PTPRU: variants seen among roughly 807,000 people sequenced by gnomAD.
PTPRU encodes the protein protein tyrosine phosphatase receptor type U.
A neutral mutation model predicts 166.3 loss-of-function variants in PTPRU; 69 were observed. The ratio of observed to expected loss-of-function variants is 0.41; its 90% CI spans 0.34 to 0.51. The LOEUF is 0.51. Among genes scored for constraint, PTPRU ranks in the 20% least tolerant of loss-of-function variants. PTPRU has a pLI of 0.09. For missense variants in PTPRU, 1,657 were observed against 2,013.7 expected (o/e 0.82, Z 3.39); for synonymous variants, 793 against 814.0 (o/e 0.97, Z 0.44).
rs200993722 is a variant in PTPRU, at chr1:29,282,662, T to G, written c.1869-14T>G. ...GCCGCCTGTGATCCCCTGTACGCTC[T>G]CCTCCCTGTCCAGTGTGTACCAGGT... is the stretch of plus-strand genomic sequence containing the variant. On this transcript the variant is annotated splice_polypyrimidine_tract_variant and intron_variant, in intron 11 of 29. Coordinates refer to ENST00000373779, the MANE Select transcript of PTPRU (RefSeq NM_133178.4). The G allele has an allele frequency of 1.2e-6, 2 of 1,609,624 alleles. No homozygotes were observed. Among genetic ancestry groups the G allele is most frequent in the South Asian group, 1.1e-5 (1 of 90,820 alleles).
intron 15 of PTPRU, among the ~76,000 whole-genome samples, chr1:29,295,748 G>A (rs1161872586): frequency 2.0e-5 from 3 of 151,880 alleles, no homozygotes; most frequent in East Asian, 1.9e-4. Flanking sequence ...GTGCAGTGGC[G>A]CAATCTCAGC....
In PTPRU at chr1:29,246,902, T is replaced by C. The variant is rs1049194503; in HGVS notation, c.74-8373T>C. ...AAGTGCTGGGATTACGGGCATGAGC[T>C]ACTGCGCCCAGCTCCACACAGCATC... On this transcript the variant is annotated intron_variant, in intron 1 of 29. Transcript: ENST00000373779. 1.3e-5 allele frequency among the ~76,000 whole-genome samples: 2 copies of C among 152,174 alleles called. 1 individual carries two copies. Among genetic ancestry groups the C allele is most frequent in the East Asian group, 3.8e-4 (2 of 5,196 alleles).
chr1:29,279,199 T>C lies in PTPRU; in HGVS notation c.1563+78T>C. On this transcript the variant is annotated intron_variant, in intron 9 of 29. Coordinates refer to ENST00000373779, the MANE Select transcript of PTPRU (RefSeq NM_133178.4). The surrounding 1 kb of genome is among the most constrained non-coding windows in gnomAD (Gnocchi z 5.2). ...GCCCTCTTTCTCTCTGCTGCTACAG[T>C]AGGAGGTGCATGGGAGGACAGATGT... 6 of 1,252,782 alleles carry C rather than the reference T, an allele frequency of 4.8e-6. No homozygotes were observed. Among genetic ancestry groups the C allele is most frequent in the Non-Finnish European group, 6.8e-6 (6 of 878,684 alleles). 77.6% of individuals were successfully genotyped at this position (1,252,782 alleles called of 1,614,324 possible).
chr1:29,309,305 T>G (rs1252145454), intron 18 of PTPRU, among the ~76,000 whole-genome samples: 1 of 152,082 alleles, frequency 6.6e-6, no homozygotes, highest in Non-Finnish European at 1.5e-5. Flanking sequence ...TGAATCTGCC[T>G]TTTAACAAGA....
At position 29,304,839 on chromosome 1, in the gene PTPRU, A is replaced by G. The variant is rs767095595; in HGVS notation, c.2733A>G (p.Pro911=). Residue 911 remains proline (P), a synonymous_variant, in exon 17 of 30, where the codon CCA becomes CCG. Coordinates refer to ENST00000373779, the MANE Select transcript of PTPRU (RefSeq NM_133178.4). ...AGGTCAAGGGCAGCCGGCAGGAGCC[A>G]ATGCCTGCCTGTGAGTCCTGGGGAA... The part of the protein sequence containing the change: ...KDKVKGSRQE[P]MPAYDRHRVK... The G allele has an allele frequency of 1.4e-5, 23 of 1,611,036 alleles. No individual in the cohort carries two copies. Among genetic ancestry groups the G allele is most frequent in the Admixed American group, 6.7e-5 (4 of 59,962 alleles).
intron 7 of PTPRU, among the ~76,000 whole-genome samples, chr1:29,268,531 C>T (rs536409930): frequency 3.9e-5 from 6 of 152,246 alleles, no homozygotes; most frequent in Non-Finnish European, 7.4e-5. Flanking sequence ...TGAGAATCCC[C>T]GATTCAGTCC....
intron 15 of PTPRU, among the ~76,000 whole-genome samples, chr1:29,298,786 C>T (rs1343380667): frequency 6.6e-6 from 1 of 152,140 alleles, no homozygotes; most frequent in Non-Finnish European, 1.5e-5. Context: ...GGTTTGAATC[C>T]TAGTGCTTCC....
At chr1:29,298,792 CT>C (rs1432694772) in intron 15 of PTPRU, among the ~76,000 whole-genome samples, 1 of 152,170 alleles carries the variant, frequency 6.6e-6, no homozygotes, top group African/African-American at 2.4e-5. Flanking sequence ...AATCCTAGTG[CT>C]TCCATTTAAT....
intron 26 of PTPRU, among the ~76,000 whole-genome samples, chr1:29,322,669 T>G (rs1688210657): frequency 6.6e-6 from 1 of 151,990 alleles, no homozygotes; most frequent in African/African-American, 2.4e-5. Flanking sequence ...TGGGAGTCAT[T>G]TTACCGACGG....
Position 29,311,426 on chromosome 1 carries a change from G to A in PTPRU, c.2858-30G>A, listed in dbSNP as rs956151639. 4 of 1,610,622 alleles carry A rather than the reference G, an allele frequency of 2.5e-6. No individual in the cohort carries two copies. The highest frequency in any genetic ancestry group is 3.4e-6 in the Non-Finnish European group (4 of 1,177,714). ...GACCTGGGGTGGAGACCTTGTCTCA[G>A]GGACAGGCACCCTCTGCCTGCATCC... On this transcript the variant is annotated intron_variant, in intron 19 of 29. Coordinates refer to ENST00000373779, the MANE Select transcript of PTPRU (RefSeq NM_133178.4). The surrounding 1 kb of genome is among the most constrained non-coding windows in gnomAD (Gnocchi z 4.1).
chr1:29,324,477 G>T (rs1475134801), intron 28 of PTPRU, among the ~76,000 whole-genome samples: 2 of 152,192 alleles, frequency 1.3e-5, no homozygotes, highest in African/African-American at 4.8e-5. Context: ...GGAGGGGATG[G>T]AGCTCTGTGG....
intron 1 of PTPRU, among the ~76,000 whole-genome samples, chr1:29,255,047 G>A (rs1470151156): frequency 6.6e-6 from 1 of 152,162 alleles, no homozygotes; most frequent in Non-Finnish European, 1.5e-5. Context: ...AAGTACTGGG[G>A]GAGTTGGCAG....
intron 5 of PTPRU, 36 bp downstream of exon 5, chr1:29,259,600 T>TGGGTTTTTTGGGGGGGGGGGGGGGGGG: frequency 3.9e-6 from 1 of 253,686 alleles, no homozygotes; most frequent in Non-Finnish European, 7.7e-6. Flanking sequence ...GGGGGCGGGG[T>TGGGTTTTTTGGGGGGGGGGGGGGGGGG]GGGAGGGGGT....
At chr1:29,277,894 C>T (rs1382444731) in intron 8 of PTPRU, among the ~76,000 whole-genome samples, 1 of 133,640 alleles carries the variant, frequency 7.5e-6, no homozygotes, top group Non-Finnish European at 1.5e-5. Flanking sequence ...TCTCAACTCA[C>T]TGCAACCTCT....
rs773327144 is a variant in PTPRU at position 29,325,342 on chromosome 1, C to T, written c.4248+16C>T. 14 of 1,613,402 alleles carry T rather than the reference C, an allele frequency of 8.7e-6. No homozygotes were observed. The highest frequency in any genetic ancestry group is 3.3e-5 in the Admixed American group (2 of 60,028). On this transcript the variant is annotated intron_variant, in intron 29 of 29. Transcript: ENST00000373779. The stretch of plus-strand genomic sequence containing the variant: ...GGAGACCATGGTGAGGGGCTGTGTC[C>T]CGTGCCCAGCCACTTCCACCTTCCT...
In PTPRU at chr1:29,275,877, A is replaced by G. The variant is rs1685784289; in HGVS notation, c.1453+121A>G. ...TTTTGCTTAGGATTAAACCAACTGTATAACACCAAAGTAGTGATAGCTCCT... is the reference window on the plus strand; with the variant it reads ...TTTTGCTTAGGATTAAACCAACTGTGTAACACCAAAGTAGTGATAGCTCCT... On this transcript the variant is annotated intron_variant, in intron 8 of 29. Coordinates refer to ENST00000373779, the MANE Select transcript of PTPRU (RefSeq NM_133178.4). 17 of 1,101,364 alleles carry G rather than the reference A, an allele frequency of 1.5e-5. No individual in the cohort carries two copies. In the South Asian group the frequency reaches 2.5e-4, roughly 16 times the overall value. The allele number at this position is 1,101,364 out of a possible 1,614,324, so 68.2% of individuals were successfully genotyped here.
intron 14 of PTPRU, among the ~76,000 whole-genome samples, chr1:29,290,935 G>A (rs924239955): frequency 6.6e-6 from 1 of 152,206 alleles, no homozygotes; most frequent in Non-Finnish European, 1.5e-5. Context: ...AACAGAGCCT[G>A]TGGCACACCC....
Position 29,305,314 on chromosome 1 carries a change from C to G in PTPRU, c.2744-38C>G, listed in dbSNP as rs146086082. ...TCCCTGACTGCCTAGCTCTGGGCTC[C>G]CCAGTTCAGCCCCTGCCCACCTGCT... is the stretch of plus-strand genomic sequence containing the variant. On this transcript the variant is annotated intron_variant, in intron 17 of 29. Coordinates refer to ENST00000373779, the MANE Select transcript of PTPRU (RefSeq NM_133178.4). 1,794 of 1,601,652 alleles carry G rather than the reference C, an allele frequency of 1.1e-3. 24 individuals carry two copies. In the African/African-American group the frequency reaches 0.02, roughly 17 times the overall value.
rs766389325 is a variant in PTPRU, at chr1:29,259,285, C to T, written c.502C>T (p.Pro168Ser). The part of the protein sequence containing the change: ...YQVLFEALIS[P>S]DRRGYMGLDD... ...GGTGCTGTTTGAGGCCCTCATCTCCCCAGACCGCAGGGGCTACATGGGCCT... is the reference window on the plus strand; with the variant it reads ...GGTGCTGTTTGAGGCCCTCATCTCCTCAGACCGCAGGGGCTACATGGGCCT... Residue 168 changes from proline (P) to serine (S), a missense_variant, in exon 4 of 30, where the codon CCA becomes TCA. This residue lies in a region of PTPRU where 453 missense variants were observed against 496.9 expected (regional missense o/e 0.91). Coordinates refer to ENST00000373779, the MANE Select transcript of PTPRU (RefSeq NM_133178.4). 1 of 1,613,950 alleles carries T rather than the reference C, an allele frequency of 6.2e-7. No homozygotes were observed. Among genetic ancestry groups the T allele is most frequent in the East Asian group, 2.2e-5 (1 of 44,878 alleles).
Sources: allele counts gnomAD v4.1 joint callset (sites outside exome capture counted in the v4.1 genomes callset), GRCh38; gene constraint gnomAD v4.1.1; regional missense constraint gnomAD v4.1.1; non-coding constraint Gnocchi (gnomAD v3.1); transcripts MANE v1.5; gene names NCBI Gene and HGNC (gene_info 2026-07-23, HGNC 2026-07-21).